ESRRG: variants seen among roughly 807,000 people sequenced by gnomAD.
ESRRG encodes estrogen related receptor gamma, also known as estrogen-related receptor gamma.
In ESRRG, 13 loss-of-function variants were observed where a neutral mutation model predicts 44.0. That is an observed-to-expected ratio of 0.30 (90% confidence interval 0.19 to 0.47). ESRRG has a LOEUF of 0.47. Ranked by LOEUF, ESRRG falls within the 20% of genes least tolerant of loss-of-function variation. The probability of loss-of-function intolerance (pLI) is 1.00; values close to 1 mark genes in which losing one functional copy is unlikely to be tolerated. For synonymous variants in ESRRG, 215 were observed against 214.6 expected (o/e 1.00, Z -0.02); for missense variants, 395 against 580.6 (o/e 0.68, Z 3.29).
At chr1:217,001,103 A>C (rs10779288) in intron 1 of ESRRG, among the ~76,000 whole-genome samples, 92,870 of 152,148 alleles carry the variant, frequency 0.61, 29,238 homozygotes, top group Non-Finnish European at 0.69. Flanking sequence ...CTGAGTGAAA[A>C]AATTTGTCTA....
intron 1 of ESRRG, among the ~76,000 whole-genome samples, chr1:216,690,992 T>G (rs1187026889): frequency 2.0e-5 from 3 of 152,206 alleles, no homozygotes; most frequent in Non-Finnish European, 4.4e-5. Flanking sequence ...TGTGTATATT[T>G]TGGAAGAAAA....
intron 1 of ESRRG, among the ~76,000 whole-genome samples, chr1:217,033,746 C>G (rs1196112485): frequency 2.0e-5 from 3 of 152,126 alleles, no homozygotes; most frequent in Non-Finnish European, 4.4e-5. Context: ...GACCTAGTAA[C>G]CCTCTGCTGT....
At chr1:216,694,535 TTCTTA>T (rs1488861943) in intron 1 of ESRRG, among the ~76,000 whole-genome samples, 1 of 152,028 alleles carries the variant, frequency 6.6e-6, no homozygotes, top group Non-Finnish European at 1.5e-5. Flanking sequence ...TTTTTTCTTT[TTCTTA>T]TCTTTTCTTT....
chr1:216,548,028 C>T (rs6673524), intron 5 of ESRRG, among the ~76,000 whole-genome samples: 43,947 of 151,830 alleles, frequency 0.29, 7,339 homozygotes, highest in Admixed American at 0.39. Flanking sequence ...CGTGGGTTGG[C>T]TAGCAAAACA....
chr1:216,821,539 G>T (rs1289319881), intron 2 of ESRRG, among the ~76,000 whole-genome samples: 1 of 151,252 alleles, frequency 6.6e-6, no homozygotes, highest in African/African-American at 2.4e-5. Context: ...GTATAAATTA[G>T]CCGGGTGTAG....
At chr1:216,591,502 T>A (rs899972205) in intron 3 of ESRRG, among the ~76,000 whole-genome samples, 1 of 152,206 alleles carries the variant, frequency 6.6e-6, no homozygotes, top group Non-Finnish European at 1.5e-5. Flanking sequence ...ATCAGAGAAC[T>A]GATTGTTGGT....
intron 1 of ESRRG, among the ~76,000 whole-genome samples, chr1:216,694,145 A>AT (rs1229608681): frequency 2.0e-5 from 3 of 152,226 alleles, no homozygotes; most frequent in Non-Finnish European, 4.4e-5. Context: ...CTGACATGGT[A>AT]TCTACAAGAC....
At chr1:216,662,535 T>G (rs960947397) in intron 2 of ESRRG, among the ~76,000 whole-genome samples, 4 of 152,090 alleles carry the variant, frequency 2.6e-5, no homozygotes, top group African/African-American at 9.7e-5. Flanking sequence ...ATACCTGAAC[T>G]GTCTTCTATG....
intron 2 of ESRRG, among the ~76,000 whole-genome samples, chr1:216,861,997 T>C (rs2096062012): frequency 6.6e-6 from 1 of 152,104 alleles, no homozygotes; most frequent in Non-Finnish European, 1.5e-5. Flanking sequence ...AAGATACTAC[T>C]ACACATCTAT....
intron 1 of ESRRG, among the ~76,000 whole-genome samples, chr1:216,941,444 C>T (rs1438331245): frequency 1.3e-5 from 2 of 152,104 alleles, no homozygotes; most frequent in African/African-American, 4.8e-5. Context: ...TGTCATACTC[C>T]CATTTCTGAA....
At chr1:216,883,297 A>G (rs545333536) in intron 2 of ESRRG, among the ~76,000 whole-genome samples, 244 of 150,202 alleles carry the variant, frequency 1.6e-3, no homozygotes, top group East Asian at 8.3e-3. Flanking sequence ...AGGCAGGAGA[A>G]TCGTTTGAAC....
intron 2 of ESRRG, among the ~76,000 whole-genome samples, chr1:216,910,817 T>G (rs964502787): frequency 6.6e-6 from 1 of 152,188 alleles, no homozygotes; most frequent in African/African-American, 2.4e-5. Flanking sequence ...CTGTGTACAT[T>G]GATAAGAATT....
rs557190640 is a variant in ESRRG, at chr1:216,817,117, G to A, written c.-14+122465C>T. On this transcript the variant is annotated intron_variant, in intron 2 of 7. Coordinates refer to the ESRRG transcript ENST00000359162. The stretch of plus-strand genomic sequence containing the variant: ...TATGGAGCAGACTTTCTTAAAAGGC[G>A]AAATATTTTGGCAAAACTTACCCTA... Among the ~76,000 whole-genome samples the A allele has an allele frequency of 1.3e-4, 19 of 150,698 alleles. No homozygotes were observed. In the East Asian group the frequency reaches 1.9e-3, roughly 15 times the overall value.
chr1:216,921,518 C>T lies in ESRRG; in HGVS notation c.-14+18064G>A, dbSNP rs147906241. Among the ~76,000 whole-genome samples, 509 of 152,258 alleles carry T rather than the reference C, an allele frequency of 3.3e-3. 7 individuals carry two copies. The highest frequency in any genetic ancestry group is 0.026 in the Admixed American group (393 of 15,296). ...ATTAACTCTGAAGCCCCCAACCCTC[C>T]TACGGCACTCTGGTGACAGCCTCTG... On this transcript the variant is annotated intron_variant, in intron 2 of 7. Coordinates refer to the ESRRG transcript ENST00000359162.
intron 2 of ESRRG, among the ~76,000 whole-genome samples, chr1:216,659,505 G>A (rs2071692217): frequency 6.6e-6 from 1 of 152,118 alleles, no homozygotes; most frequent in Admixed American, 6.6e-5. Flanking sequence ...TAGAACAGAG[G>A]ACAAAACATT....
chr1:216,698,828 G>T (rs1034655127), intron 1 of ESRRG, among the ~76,000 whole-genome samples: 1 of 152,128 alleles, frequency 6.6e-6, no homozygotes, highest in East Asian at 1.9e-4. Flanking sequence ...AAGCGTCTGT[G>T]CCTCAGGTAA....
intron 1 of ESRRG, among the ~76,000 whole-genome samples, chr1:216,974,578 T>G (rs768992419): frequency 3.3e-5 from 5 of 152,216 alleles, no homozygotes; most frequent in Non-Finnish European, 7.3e-5. Flanking sequence ...AAAAGGTTTA[T>G]AATTTTTTAA....
At chr1:216,746,420 T>C (rs1212521656) in intron 2 of ESRRG, among the ~76,000 whole-genome samples, 2 of 152,144 alleles carry the variant, frequency 1.3e-5, no homozygotes, top group African/African-American at 4.8e-5. Context: ...GGAAAAATAT[T>C]AATTTAATAT....
intron 2 of ESRRG, among the ~76,000 whole-genome samples, chr1:216,655,943 C>A (rs1317935008): frequency 6.6e-6 from 1 of 152,088 alleles, no homozygotes; most frequent in Non-Finnish European, 1.5e-5. Flanking sequence ...AGCATTTTAT[C>A]CTAAAAATGT....
Sources: gnomAD v4.1 joint callset for allele counts (sites outside exome capture counted in the v4.1 genomes callset) on GRCh38, gnomAD v4.1.1 for gene constraint, MANE v1.5 for transcripts, NCBI Gene and HGNC (gene_info 2026-07-23, HGNC 2026-07-21) for gene names.